PABPC4: variants seen among roughly 807,000 people sequenced by gnomAD.
PABPC4 encodes the protein poly(A) binding protein cytoplasmic 4.
A neutral mutation model predicts 74.5 loss-of-function variants in PABPC4; 15 were observed. The ratio of observed to expected loss-of-function variants is 0.20; its 90% CI spans 0.13 to 0.31. PABPC4 has a LOEUF of 0.31. Among genes scored for constraint, PABPC4 ranks in the 10% least tolerant of loss-of-function variants. PABPC4 has a pLI of 1.00. For synonymous variants in PABPC4, 345 were observed against 303.0 expected (o/e 1.14, Z -1.44); for missense variants, 610 against 853.5 (o/e 0.71, Z 3.55).
intron 5 of PABPC4, among the ~76,000 whole-genome samples, chr1:39,569,255 T>C (rs1448104760): frequency 6.6e-6 from 1 of 152,168 alleles, no homozygotes; most frequent in East Asian, 1.9e-4. Flanking sequence ...GTGATAAATA[T>C]TGAGGGTCTG....
chr1:39,561,103 G>C lies in PABPC4; in HGVS notation c.*33C>G. ...AAACCTTGAGTTGAATTCCATAAGG[G>C]GTTATTTGGCTTTTGAATCCTGTAA... On this transcript the variant is annotated 3_prime_UTR_variant, in exon 16 of 16. Transcript: ENST00000372858. 1 of 470,000 alleles carries C rather than the reference G, an allele frequency of 2.1e-6. No individual in the cohort carries two copies. Among genetic ancestry groups the C allele is most frequent in the South Asian group, 1.6e-5 (1 of 64,434 alleles). The allele number at this position is 470,000 out of a possible 1,614,324, so 29.1% of individuals were successfully genotyped here.
intron 1 of PABPC4, among the ~76,000 whole-genome samples, chr1:39,573,850 C>T (rs1400160294): frequency 6.6e-6 from 1 of 152,090 alleles, no homozygotes; most frequent in Non-Finnish European, 1.5e-5. Flanking sequence ...GAACCAAAAG[C>T]TAAAAAATAA....
chr1:39,564,812 C>G, intron 8 of PABPC4, 39 bp from the exon 9 acceptor site: 5 of 1,463,776 alleles, frequency 3.4e-6, no homozygotes, highest in Non-Finnish European at 4.8e-6. Flanking sequence ...CCCTTAAGGA[C>G]TGAACCCATC....
At chr1:39,571,176 C>T (rs1246602855) in intron 3 of PABPC4, 58 bp downstream of exon 3, 7 of 1,610,778 alleles carry the variant, frequency 4.3e-6, no homozygotes, top group Admixed American at 3.3e-5. Context: ...CAGTTAATAG[C>T]GAGGTGGGGC....
rs150155744 is a variant in PABPC4 at position 39,563,668 on chromosome 1, G to A, written c.1614C>T (p.Pro538=). 6.1e-5 allele frequency: 98 copies of A among 1,614,108 alleles called. 1 individual carries two copies. The Middle Eastern group carries it at 1.5e-3, about 24-fold the overall frequency. Residue 538 remains proline, a synonymous_variant, in exon 12 of 16, where the codon CCC becomes CCT. Transcript: ENST00000372858. ...VAAAAPRAVA[P]YKYASSVRSP... ...TGCGGACACTGGAGGCGTATTTGTA[G>A]GGGGCAACAGCCCGGGGAGCAGCAG...
intron 4 of PABPC4, 29 bp downstream of exon 4, chr1:39,569,834 G>A (rs770682018): frequency 6.2e-7 from 1 of 1,612,610 alleles, no homozygotes; most frequent in Non-Finnish European, 8.5e-7. Flanking sequence ...CTGGTAGACT[G>A]TGAAAGGAGA....
In PABPC4 at chr1:39,563,860, G is replaced by A. The variant is rs1645797207; in HGVS notation, c.1516C>T (p.Leu506=). The A allele has an allele frequency of 6.2e-7, 1 of 1,614,240 alleles. No individual in the cohort carries two copies. The highest frequency in any genetic ancestry group is 1.1e-5 in the South Asian group (1 of 91,086). The change falls in exon 11 of 16, where the codon CTG becomes TTG. Residue 506 remains leucine, a synonymous_variant. Transcript: ENST00000372858. ...CCTCCAGACTGGCAGCTGTCAGTCAGCCCTTGCTGGGCGGCACCAGCCCCA... is the reference window on the plus strand; with the variant it reads ...CCTCCAGACTGGCAGCTGTCAGTCAACCCTTGCTGGGCGGCACCAGCCCCA... ...FGGAGAAQQG[L]TDSCQSGGVP... is the part of the protein sequence containing the mutation.
At chr1:39,569,366 A>G in intron 5 of PABPC4, 1 of 572,356 alleles carries the variant, frequency 1.7e-6, no homozygotes, top group South Asian at 2.2e-5. Context: ...CGTCTGTCCT[A>G]TTCTTTCAAC....
In PABPC4 at chr1:39,576,179, G is replaced by T; in HGVS notation, c.-228C>A. The T allele has an allele frequency of 6.8e-6, 3 of 438,620 alleles. No homozygotes were observed. The highest frequency in any genetic ancestry group is 8.1e-6 in the Non-Finnish European group (2 of 248,258). The allele number at this position is 438,620 out of a possible 1,614,324, so 27.2% of individuals were successfully genotyped here. On this transcript the variant is annotated 5_prime_UTR_variant, in exon 1 of 16. Transcript: ENST00000372858. ...AGACAAAAGGCTCTCCGCACAATAC[G>T]GCCCTCCCCGCGACTTTGCACTTCT...
In PABPC4 at chr1:39,574,082, C is replaced by A. The variant is rs549621229; in HGVS notation, c.194-1496G>T. On this transcript the variant is annotated intron_variant, in intron 1 of 15. Transcript: ENST00000372858. ...GGGACAAAATTCCCCAACTCTGCCG[C>A]TCCACAAGCTCAACTGTTTCATTAG... is the stretch of plus-strand genomic sequence containing the variant. 2.6e-5 allele frequency among the ~76,000 whole-genome samples: 4 copies of A among 152,302 alleles called. No individual in the cohort carries two copies. The South Asian group carries it at 8.3e-4, about 32-fold the overall frequency.
At chr1:39,561,858 G>T in intron 14 of PABPC4, 71 bp from the exon 15 acceptor site, 1 of 1,400,190 alleles carries the variant, frequency 7.1e-7, no homozygotes, top group Non-Finnish European at 1.0e-6. Context: ...CCCAGACCTA[G>T]TGGTGGACCA....
Position 39,565,267 on chromosome 1 carries a change from G to A in PABPC4, c.1084C>T (p.Pro362Ser). Residue 362 changes from proline to serine, a missense_variant, in exon 8 of 16, where the codon CCA becomes TCA. Transcript: ENST00000372858. ...EMNGRIVGSK[P>S]LYVALAQRKE... ...CTCTGGGCCAGGGCAACATATAGTGGCTTGGAGCCCACAATGCGTCCATTC... is the reference window on the plus strand; with the variant it reads ...CTCTGGGCCAGGGCAACATATAGTGACTTGGAGCCCACAATGCGTCCATTC... The A allele has an allele frequency of 6.2e-7, 1 of 1,614,210 alleles. No homozygotes were observed. Among genetic ancestry groups the A allele is most frequent in the Non-Finnish European group, 8.5e-7 (1 of 1,180,038 alleles).
chr1:39,572,600 A>T lies in PABPC4; in HGVS notation c.194-14T>A, dbSNP rs1363875814. On this transcript the variant is annotated splice_polypyrimidine_tract_variant and intron_variant, in intron 1 of 15. Coordinates refer to ENST00000372858, the MANE Select transcript of PABPC4 (RefSeq NM_001135653.2). ...AAGCCCGCTCAGCTGTAAGAGAGAAACACATTTCAATAAGGAGAGAAAACG... is the reference window on the plus strand; with the variant it reads ...AAGCCCGCTCAGCTGTAAGAGAGAATCACATTTCAATAAGGAGAGAAAACG... 1 of 1,605,728 alleles carries T rather than the reference A, an allele frequency of 6.2e-7. No homozygotes were observed. The highest frequency in any genetic ancestry group is 1.1e-5 in the South Asian group (1 of 90,630).
In PABPC4 at chr1:39,568,999, G is replaced by A. The variant is rs1645894976; in HGVS notation, c.739-60C>T. On this transcript the variant is annotated intron_variant, in intron 5 of 15. Transcript: ENST00000372858. Reference sequence around the variant, plus strand: ...GCAGCGATGGGGTCTTATTCTGGAGGTCTAAGTCCCAAAAAATATTCTTTC... The same window carrying A: ...GCAGCGATGGGGTCTTATTCTGGAGATCTAAGTCCCAAAAAATATTCTTTC... The A allele has an allele frequency of 2.3e-5, 35 of 1,534,224 alleles. No homozygotes were observed. The South Asian group carries it at 3.6e-4, about 16-fold the overall frequency.
chr1:39,562,458 A>G, intron 12 of PABPC4, 42 bp from the exon 13 acceptor site: 1 of 1,412,206 alleles, frequency 7.1e-7, no homozygotes, highest in Non-Finnish European at 1.0e-6. Context: ...TGAGGAAAGG[A>G]CAACACCTGA....
intron 2 of PABPC4, among the ~76,000 whole-genome samples, chr1:39,572,014 A>C (rs1287685822): frequency 1.3e-5 from 2 of 152,252 alleles, no homozygotes. Context: ...TTTAAGTTTT[A>C]AAGTGCTCAG....
intron 8 of PABPC4, 77 bp from the exon 9 acceptor site, chr1:39,564,850 T>G: frequency 6.1e-6 from 7 of 1,150,348 alleles, no homozygotes; most frequent in Non-Finnish European, 9.1e-6. Flanking sequence ...CTCATCTCAC[T>G]AACCAGGACC....
At chr1:39,572,352 T>C (rs768900255) in intron 2 of PABPC4, 41 bp downstream of exon 2, 1 of 1,391,058 alleles carries the variant, frequency 7.2e-7, no homozygotes, top group South Asian at 1.2e-5. Flanking sequence ...TTTTCAAGAA[T>C]CAATTAATTA....
At chr1:39,570,117 A>C in intron 3 of PABPC4, 115 bp from the exon 4 acceptor site, 1 of 1,014,330 alleles carries the variant, frequency 9.9e-7, no homozygotes, top group Non-Finnish European at 1.5e-6. Flanking sequence ...CGAGATCCCC[A>C]TCCACCACCA....
Sources: allele counts gnomAD v4.1 joint callset (sites outside exome capture counted in the v4.1 genomes callset), GRCh38; gene constraint gnomAD v4.1.1; transcripts MANE v1.5; gene names NCBI Gene and HGNC (gene_info 2026-07-23, HGNC 2026-07-21).